DOCK3: variants seen among roughly 807,000 people sequenced by gnomAD.
DOCK3 encodes the protein dedicator of cytokinesis protein 3.
DOCK3 carries 60 observed loss-of-function variants against 265.6 expected under a neutral mutation model. That is an observed-to-expected ratio of 0.23 (90% CI 0.18 to 0.28). DOCK3 has a LOEUF of 0.28. Among genes scored for constraint, DOCK3 ranks in the 10% least tolerant of loss-of-function variants. The pLI, the probability that DOCK3 is intolerant of heterozygous loss-of-function variation, is 1.00. For missense variants in DOCK3, 1,981 were observed against 2,594.3 expected, an observed-to-expected ratio of 0.76 and a Z score of 5.14; for synonymous variants, 881 against 938.0, an observed-to-expected ratio of 0.94 and a Z score of 1.11.
chr3:51,335,977 AT>A (rs2084834894), intron 35 of DOCK3, among the ~76,000 whole-genome samples: 1 of 151,300 alleles, frequency 6.6e-6, no homozygotes, highest in Non-Finnish European at 1.5e-5. Context: ...GGGCGACAAA[AT>A]GAGACCCTGT....
intron 13 of DOCK3, 114 bp from the exon 14 acceptor site, chr3:51,214,008 C>A: frequency 1.4e-6 from 2 of 1,439,408 alleles, no homozygotes; most frequent in Non-Finnish European, 1.9e-6. Context: ...AAGTTTTTCT[C>A]AAGAATTTTG....
At chr3:51,366,991 G>A (rs546333976) in intron 49 of DOCK3, among the ~76,000 whole-genome samples, 1 of 152,352 alleles carries the variant, frequency 6.6e-6, no homozygotes, top group African/African-American at 2.4e-5. Flanking sequence ...GAGTTCTGTA[G>A]ATGTCTATTA....
chr3:50,992,195 G>A (rs1332997129), intron 5 of DOCK3, among the ~76,000 whole-genome samples: 3 of 152,128 alleles, frequency 2.0e-5, no homozygotes, highest in African/African-American at 7.2e-5. Context: ...AGAGAAGCAA[G>A]AACAAATCAG....
In DOCK3 at chr3:51,165,063, C is replaced by T. The variant is rs565714547; in HGVS notation, c.1037+4361C>T. On this transcript the variant is annotated intron_variant, in intron 12 of 52. Coordinates refer to ENST00000266037, the MANE Select transcript of DOCK3 (RefSeq NM_004947.5). ...AAGCCATTCTCCTCTCTCAGCCTCC[C>T]GAGTAGCTGGGACTACAGGCACTCG... is the stretch of plus-strand genomic sequence containing the variant. Among the ~76,000 whole-genome samples, 27 of 151,980 alleles carry T rather than the reference C, an allele frequency of 1.8e-4. No individual in the cohort carries two copies. In the South Asian group the frequency reaches 2.1e-3, roughly 12 times the overall value.
intron 9 of DOCK3, among the ~76,000 whole-genome samples, chr3:51,131,641 A>G (rs577800560): frequency 3.3e-5 from 5 of 152,228 alleles, no homozygotes; most frequent in Non-Finnish European, 7.4e-5. Flanking sequence ...TAGGCTTCCT[A>G]TCAACTTAAC....
At chr3:50,921,431 T>C (rs990713911) in intron 4 of DOCK3, among the ~76,000 whole-genome samples, 2 of 152,198 alleles carry the variant, frequency 1.3e-5, no homozygotes, top group African/African-American at 4.8e-5. Context: ...ATGCTGTTTA[T>C]TCTAGTTAGC....
At chr3:50,925,229 G>C (rs1314690453) in intron 4 of DOCK3, among the ~76,000 whole-genome samples, 8 of 152,188 alleles carry the variant, frequency 5.3e-5, no homozygotes, top group African/African-American at 1.9e-4. Context: ...AAGAGAAAAT[G>C]AACTCTTGCA....
At chr3:51,123,984 A>G (rs2084152527) in intron 9 of DOCK3, among the ~76,000 whole-genome samples, 1 of 152,096 alleles carries the variant, frequency 6.6e-6, no homozygotes, top group South Asian at 2.1e-4. Flanking sequence ...GCCCACCATG[A>G]GCGTGTAGAC....
chr3:51,148,279 C>G (rs1032329331), intron 10 of DOCK3, among the ~76,000 whole-genome samples: 1 of 152,040 alleles, frequency 6.6e-6, no homozygotes, highest in Non-Finnish European at 1.5e-5. Context: ...AAATGTTCTC[C>G]CATTCTGTAG....
At chr3:50,954,481 C>T (rs891409980) in intron 5 of DOCK3, among the ~76,000 whole-genome samples, 2 of 152,042 alleles carry the variant, frequency 1.3e-5, no homozygotes, top group African/African-American at 4.8e-5. Flanking sequence ...TCAGCTTCCT[C>T]ATCTATGAAA....
intron 2 of DOCK3, among the ~76,000 whole-genome samples, chr3:50,827,950 C>CT (rs575001275): frequency 0.097 from 13,979 of 144,762 alleles, 793 homozygotes; most frequent in Non-Finnish European, 0.12. Flanking sequence ...AACATGCACT[C>CT]TTTTTTTTTT....
At chr3:51,349,643 T>G (rs2085841896) in intron 39 of DOCK3, among the ~76,000 whole-genome samples, 1 of 152,132 alleles carries the variant, frequency 6.6e-6, no homozygotes, top group African/African-American at 2.4e-5. Flanking sequence ...TTGCAGTGAG[T>G]TTTTTTCTGA....
At chr3:51,201,754 T>C (rs1045786900) in intron 12 of DOCK3, among the ~76,000 whole-genome samples, 2 of 152,098 alleles carry the variant, frequency 1.3e-5, no homozygotes, top group African/African-American at 4.8e-5. Flanking sequence ...TATTCCAAAA[T>C]TGACCACATA....
At chr3:51,058,070 A>G (rs540521689) in intron 5 of DOCK3, among the ~76,000 whole-genome samples, 8 of 152,246 alleles carry the variant, frequency 5.3e-5, no homozygotes, top group Non-Finnish European at 1.0e-4. Flanking sequence ...GAGTATTGGT[A>G]GGGGCTGTAG....
chr3:51,082,433 C>T (rs2082274783), intron 7 of DOCK3, among the ~76,000 whole-genome samples: 1 of 152,166 alleles, frequency 6.6e-6, no homozygotes, highest in Non-Finnish European at 1.5e-5. Flanking sequence ...GACTTATACC[C>T]TGGGGAATGG....
chr3:50,921,778 A>T (rs1034378491), intron 4 of DOCK3, among the ~76,000 whole-genome samples: 12 of 152,176 alleles, frequency 7.9e-5, no homozygotes, highest in Non-Finnish European at 5.9e-5. Context: ...TCCAGCAGTC[A>T]GGACCCTCAG....
At chr3:51,262,785 A>G (rs558959152) in intron 23 of DOCK3, among the ~76,000 whole-genome samples, 19 of 152,340 alleles carry the variant, frequency 1.2e-4, no homozygotes, top group East Asian at 3.9e-4. Flanking sequence ...AGAAGTATCA[A>G]TAGCCAAACT....
chr3:51,280,697 T>C (rs972755200), intron 27 of DOCK3, among the ~76,000 whole-genome samples: 8 of 152,200 alleles, frequency 5.3e-5, no homozygotes, highest in Admixed American at 2.0e-4. Flanking sequence ...CTGAGGGTCT[T>C]ATTTTTATCA....
chr3:51,304,510 TG>T (rs2082540207), intron 27 of DOCK3, among the ~76,000 whole-genome samples: 1 of 152,094 alleles, frequency 6.6e-6, no homozygotes, highest in Admixed American at 6.5e-5. Context: ...AACCCTCACT[TG>T]GGGGGAACTC....
Sources: allele counts gnomAD v4.1 joint callset (sites outside exome capture counted in the v4.1 genomes callset), GRCh38; gene constraint gnomAD v4.1.1; transcripts MANE v1.5; gene names NCBI Gene and HGNC (gene_info 2026-07-23, HGNC 2026-07-21).